CDH17: variants seen among roughly 807,000 people sequenced by gnomAD.
CDH17 encodes the protein cadherin 17, also known as cadherin-17.
CDH17 carries 67 observed loss-of-function variants against 86.3 expected under a neutral mutation model. The observed-to-expected ratio is 0.78, with a 90% CI of 0.64 to 0.95. The LOEUF (loss-of-function observed/expected upper bound fraction) is 0.95. Among genes scored for constraint, CDH17 ranks in the 40% least tolerant of loss-of-function variants. The pLI, the probability that CDH17 is intolerant of heterozygous loss-of-function variation, is 0.00. For missense variants in CDH17, 993 were observed against 1,017.6 expected (o/e 0.98, Z 0.33); for synonymous variants, 367 against 366.4 (o/e 1.00, Z -0.02).
chr8:94,180,236 T>C (rs7016142), intron 3 of CDH17, among the ~76,000 whole-genome samples: 16,183 of 151,040 alleles, frequency 0.11, 1,552 homozygotes, highest in African/African-American at 0.26. Flanking sequence ...TTAATAGAGA[T>C]TACTGAAAGA....
At chr8:94,142,578 T>C (rs564958357) in intron 15 of CDH17, among the ~76,000 whole-genome samples, 3 of 152,236 alleles carry the variant, frequency 2.0e-5, no homozygotes, top group Non-Finnish European at 4.4e-5. Context: ...GTGATGCTGG[T>C]TGATGGCATT....
intron 9 of CDH17, among the ~76,000 whole-genome samples, chr8:94,167,138 C>A (rs573029535): frequency 6.6e-6 from 1 of 152,248 alleles, no homozygotes; most frequent in African/African-American, 2.4e-5. Flanking sequence ...GGGCAGGGAC[C>A]AGGCAGGATC....
chr8:94,152,216 G>A, intron 12 of CDH17, 104 bp from the exon 13 acceptor site: 2 of 1,175,284 alleles, frequency 1.7e-6, no homozygotes, highest in South Asian at 3.1e-5. Context: ...ATATAATATT[G>A]GAAAAACTGG....
chr8:94,161,997 C>T (rs1813062284), intron 11 of CDH17, 89 bp downstream of exon 11: 15 of 831,180 alleles, frequency 1.8e-5, no homozygotes, highest in Non-Finnish European at 2.6e-5. Flanking sequence ...TGGCACTTTT[C>T]CTAGCTACTG....
At chr8:94,132,396 T>C (rs1812438025) in intron 15 of CDH17, among the ~76,000 whole-genome samples, 2 of 152,234 alleles carry the variant, frequency 1.3e-5, no homozygotes, top group Admixed American at 6.5e-5. Context: ...GGTATCTCAT[T>C]GTGGTTTTGA....
intron 2 of CDH17, among the ~76,000 whole-genome samples, chr8:94,193,921 T>C (rs550748578): frequency 1.3e-4 from 19 of 148,204 alleles, no homozygotes; most frequent in African/African-American, 4.2e-4. Context: ...GGTATGAGGA[T>C]CTAGAAGCTT....
intron 1 of CDH17, among the ~76,000 whole-genome samples, 187 bp downstream of exon 1, chr8:94,208,295 CA>C (rs1039375051): frequency 3.3e-5 from 5 of 151,516 alleles, no homozygotes; most frequent in South Asian, 2.1e-4. Context: ...AAAGAAACTA[CA>C]AAAAAAAATT....
chr8:94,199,729 A>T (rs1813868529), intron 1 of CDH17, among the ~76,000 whole-genome samples: 1 of 152,136 alleles, frequency 6.6e-6, no homozygotes, highest in African/African-American at 2.4e-5. Flanking sequence ...GCCATGATTT[A>T]TTTGAAGACA....
In CDH17 at chr8:94,130,667, C is replaced by T; in HGVS notation, c.2357G>A (p.Gly786Asp). The change falls in exon 17 of 18, where the codon GGC (glycine) becomes GAC (aspartate). Residue 786 changes from glycine to aspartate, a missense_variant. Coordinates refer to ENST00000027335, the MANE Select transcript of CDH17 (RefSeq NM_004063.4). Reference sequence around the variant, plus strand: ...GGTCAGCAGTATACCAACTGCCATGCCCACAGTGGGTATCCCAGTCTGGTG... The same window carrying T: ...GGTCAGCAGTATACCAACTGCCATGTCCACAGTGGGTATCCCAGTCTGGTG... ...AGHQTGIPTVGMAVGILLTTL... is the reference protein window; with the variant it reads ...AGHQTGIPTVDMAVGILLTTL... The T allele has an allele frequency of 1.2e-6, 2 of 1,613,736 alleles. No individual in the cohort carries two copies. The highest frequency in any genetic ancestry group is 1.7e-6 in the Non-Finnish European group (2 of 1,179,744).
At chr8:94,214,562 G>T (rs999731237) in intron 1 of CDH17, among the ~76,000 whole-genome samples, 1 of 151,970 alleles carries the variant, frequency 6.6e-6, no homozygotes, top group Non-Finnish European at 1.5e-5. Context: ...AAGAAAGCAG[G>T]GGTAAATCTT....
chr8:94,173,295 T>G (rs939422652), intron 7 of CDH17, among the ~76,000 whole-genome samples: 4 of 152,162 alleles, frequency 2.6e-5, no homozygotes, highest in Non-Finnish European at 5.9e-5. Flanking sequence ...AGATCCCTCG[T>G]GAATGGCTGA....
chr8:94,165,591 C>A (rs1275667914), intron 10 of CDH17, among the ~76,000 whole-genome samples, 170 bp downstream of exon 10: 1 of 152,172 alleles, frequency 6.6e-6, no homozygotes, highest in East Asian at 1.9e-4. Context: ...GCAGCTCCGG[C>A]CTTTACAGTG....
At chr8:94,196,799 A>G (rs1030341510) in intron 1 of CDH17, among the ~76,000 whole-genome samples, 6 of 152,200 alleles carry the variant, frequency 3.9e-5, no homozygotes, top group African/African-American at 1.4e-4. Flanking sequence ...GGAAAAGGCT[A>G]TCTGGGGGCC....
At chr8:94,151,834 G>A (rs764153959) in intron 13 of CDH17, 34 bp downstream of exon 13, 61 of 1,611,848 alleles carry the variant, frequency 3.8e-5, no homozygotes, top group Middle Eastern at 3.3e-4. Context: ...TGGTGACCAC[G>A]CAGCCAGGCC....
At chr8:94,191,529 G>A (rs1453134936) in intron 2 of CDH17, among the ~76,000 whole-genome samples, 1 of 144,778 alleles carries the variant, frequency 6.9e-6, no homozygotes, top group East Asian at 2.0e-4. Context: ...TTGGCTCCCT[G>A]CAACATCTGC....
rs752593978 is a variant in CDH17, at chr8:94,165,931, T to C, written c.1112A>G (p.Asn371Ser). ...GTAGTTTAGAAAACTGTTGGCAGTA[T>C]TTTCTTCATCCCTGTCATGTGCAGT... ...TLTAHDRDEE[N>S]TANSFLNYRI... is the part of the protein sequence containing the mutation. The change falls in exon 10 of 18, where the codon AAT becomes AGT. Residue 371 changes from asparagine to serine, a missense_variant. Asn to Ser is a conservative substitution (Grantham distance 46, BLOSUM62 1). Coordinates refer to ENST00000027335, the MANE Select transcript of CDH17 (RefSeq NM_004063.4). 2 of 1,613,928 alleles carry C rather than the reference T, an allele frequency of 1.2e-6. No individual in the cohort carries two copies. Among genetic ancestry groups the C allele is most frequent in the South Asian group, 2.2e-5 (2 of 91,070 alleles).
intron 15 of CDH17, 108 bp downstream of exon 15, chr8:94,145,820 G>A (rs1812729684): frequency 2.4e-6 from 3 of 1,233,124 alleles, no homozygotes; most frequent in Non-Finnish European, 3.4e-6. Context: ...CTTCCTTCCT[G>A]AAGCATGAAA....
intron 1 of CDH17, 109 bp from the exon 2 acceptor site, chr8:94,194,814 G>A (rs1470784490): frequency 6.2e-6 from 4 of 649,206 alleles, no homozygotes; most frequent in African/African-American, 5.5e-5. Flanking sequence ...CTAGTAAAAT[G>A]GTATCCCAAA....
At chr8:94,204,534 T>C (rs2129650111) in intron 1 of CDH17, among the ~76,000 whole-genome samples, 1 of 152,328 alleles carries the variant, frequency 6.6e-6, no homozygotes, top group East Asian at 1.9e-4. Context: ...ATTTTCTTAA[T>C]CCAGTCTATC....
Sources: allele counts gnomAD v4.1 joint callset (sites outside exome capture counted in the v4.1 genomes callset), GRCh38; gene constraint gnomAD v4.1.1; transcripts MANE v1.5; gene names NCBI Gene and HGNC (gene_info 2026-07-23, HGNC 2026-07-21).